The following PHC2 variants were observed in gnomAD, a reference collection of about 807,000 sequenced individuals.
PHC2 encodes polyhomeotic-like protein 2.
PHC2 carries 29 observed loss-of-function variants against 87.4 expected under a neutral mutation model. That is an observed-to-expected ratio of 0.33 (90% CI 0.25 to 0.45). The LOEUF is 0.45. Ranked by LOEUF, PHC2 falls within the 20% of genes least tolerant of loss-of-function variation. PHC2 has a pLI of 1.00. For synonymous variants in PHC2, 438 were observed against 461.7 expected, an observed-to-expected ratio of 0.95 and a Z score of 0.66; for missense variants, 857 against 1,136.7, an observed-to-expected ratio of 0.75 and a Z score of 3.54.
intron 1 of PHC2, among the ~76,000 whole-genome samples, chr1:33,392,193 A>C (rs116832256): frequency 0.015 from 2,277 of 151,206 alleles, 50 homozygotes; most frequent in African/African-American, 0.052. Flanking sequence ...ACACACATGC[A>C]CATGCACATA....
chr1:33,386,751 T>C (rs950520572), intron 1 of PHC2, among the ~76,000 whole-genome samples: 1 of 151,798 alleles, frequency 6.6e-6, no homozygotes, highest in Non-Finnish European at 1.5e-5. Flanking sequence ...AAAGTGCACA[T>C]AACACATACA....
intron 1 of PHC2, among the ~76,000 whole-genome samples, chr1:33,430,746 C>A (rs558635800): frequency 2.0e-5 from 3 of 151,012 alleles, no homozygotes; most frequent in African/African-American, 4.8e-5. Flanking sequence ...GGACTGCGGG[C>A]TCCCAGCGCG....
At chr1:33,425,385 T>C (rs768810790) in intron 1 of PHC2, among the ~76,000 whole-genome samples, 57 of 152,328 alleles carry the variant, frequency 3.7e-4, no homozygotes, top group South Asian at 6.2e-4. Flanking sequence ...AAGAATAAAG[T>C]GAAAGCCGAT....
intron 7 of PHC2, among the ~76,000 whole-genome samples, chr1:33,360,108 C>G (rs140252395): frequency 3.9e-5 from 6 of 152,356 alleles, no homozygotes; most frequent in Non-Finnish European, 8.8e-5. Flanking sequence ...TTCCATGATG[C>G]ATTCCCTTGG....
intron 1 of PHC2, among the ~76,000 whole-genome samples, chr1:33,427,976 C>G (rs1650749538): frequency 6.6e-6 from 1 of 152,220 alleles, no homozygotes; most frequent in South Asian, 2.1e-4. Flanking sequence ...GCAGTGAACT[C>G]AGCTAATCAT....
intron 9 of PHC2, chr1:33,345,532 A>G: frequency 1.0e-6 from 1 of 984,968 alleles, no homozygotes; most frequent in Non-Finnish European, 1.2e-6. Flanking sequence ...GAAGTTTTCT[A>G]TGCTGGTCTA....
At chr1:33,338,383 C>A (rs1478826191) in intron 9 of PHC2, among the ~76,000 whole-genome samples, 1 of 152,216 alleles carries the variant, frequency 6.6e-6, no homozygotes, top group Non-Finnish European at 1.5e-5. Flanking sequence ...CAGGGCAGAT[C>A]AAAGGAGAGA....
Position 33,349,831 on chromosome 1 carries a change from G to A in PHC2, c.1558+4570C>T. 1 of 976,990 alleles carries A rather than the reference G, an allele frequency of 1.0e-6. No individual in the cohort carries two copies. Among genetic ancestry groups the A allele is most frequent in the Non-Finnish European group, 1.2e-6 (1 of 825,160 alleles). The allele number at this position is 976,990 out of a possible 1,614,324, so 60.5% of individuals were successfully genotyped here. Reference sequence around the variant, plus strand: ...GCGCGAGGCCGGGGCGGGAGCGCGGGCGGCGGCCGGGGTTGCGCGCGCGCG... The same window carrying A: ...GCGCGAGGCCGGGGCGGGAGCGCGGACGGCGGCCGGGGTTGCGCGCGCGCG... On this transcript the variant is annotated intron_variant, in intron 9 of 14. Transcript: ENST00000683057. The surrounding 1 kb of genome is among the most constrained non-coding windows in gnomAD (Gnocchi z 4.2).
rs113810809 is a variant in PHC2 at position 33,424,171 on chromosome 1, C to T, written c.-55+6805G>A. Among the ~76,000 whole-genome samples, 237 of 151,052 alleles carry T rather than the reference C, an allele frequency of 1.6e-3. 4 individuals are homozygous for T. The highest frequency in any genetic ancestry group is 4.7e-3 in the African/African-American group (194 of 41,196). The stretch of plus-strand genomic sequence containing the variant: ...TGAATATTTGTTGAGTAAATTAATA[C>T]TATTATAGAGATTGATTCATTAATA... On this transcript the variant is annotated intron_variant, in intron 1 of 14. Transcript: ENST00000683057.
intron 1 of PHC2, among the ~76,000 whole-genome samples, chr1:33,407,840 T>C (rs1649824963): frequency 6.6e-6 from 1 of 152,204 alleles, no homozygotes; most frequent in Non-Finnish European, 1.5e-5. Context: ...GTACAATCAA[T>C]GTGTTTCATA....
At chr1:33,356,091 C>A (rs1318403851) in intron 7 of PHC2, among the ~76,000 whole-genome samples, 1 of 151,750 alleles carries the variant, frequency 6.6e-6, no homozygotes, top group Non-Finnish European at 1.5e-5. Context: ...TCTTATCTGT[C>A]TTCCAGATCA....
chr1:33,411,725 TA>T (rs1478520327), intron 1 of PHC2, among the ~76,000 whole-genome samples: 1 of 152,098 alleles, frequency 6.6e-6, no homozygotes, highest in Non-Finnish European at 1.5e-5. Flanking sequence ...CACGCCCAGC[TA>T]ATTTTTTGTA....
At chr1:33,427,604 A>G (rs1016663338) in intron 1 of PHC2, among the ~76,000 whole-genome samples, 4 of 152,100 alleles carry the variant, frequency 2.6e-5, no homozygotes, top group Admixed American at 6.6e-5. Context: ...TGAAGCTATC[A>G]TTTTCAAAAA....
At chr1:33,394,714 C>T (rs1200979440) in intron 1 of PHC2, among the ~76,000 whole-genome samples, 1 of 152,192 alleles carries the variant, frequency 6.6e-6, no homozygotes, top group African/African-American at 2.4e-5. Flanking sequence ...CACAGGCACA[C>T]ACCACTGCAC....
chr1:33,347,824 A>ACCTTCTGCGAAACAAG, intron 9 of PHC2: 1 of 757,022 alleles, frequency 1.3e-6, no homozygotes, highest in Non-Finnish European at 1.6e-6. Flanking sequence ...CATCTGCCCG[A>ACCTTCTGCGAAACAAG]CCTTCTGCGA....
At chr1:33,394,459 G>A (rs1020593976) in intron 1 of PHC2, among the ~76,000 whole-genome samples, 4 of 152,178 alleles carry the variant, frequency 2.6e-5, no homozygotes, top group Non-Finnish European at 5.9e-5. Flanking sequence ...CTGCAAATCA[G>A]AACCACAGCA....
At chr1:33,336,273 G>C (rs1413780818) in intron 9 of PHC2, among the ~76,000 whole-genome samples, 2 of 152,038 alleles carry the variant, frequency 1.3e-5, no homozygotes, top group Non-Finnish European at 2.9e-5. Flanking sequence ...ACAGGCATGA[G>C]CCACCGCGCC....
chr1:33,331,274 G>A lies in PHC2; in HGVS notation c.2006+74C>T, dbSNP rs979531363. ...GAAGCCACCCCTATGGACCTCCTGG[G>A]GTAGACTATTAATGGCAGGAGGTGG... is the stretch of plus-strand genomic sequence containing the variant. On this transcript the variant is annotated intron_variant, in intron 12 of 14. Coordinates refer to ENST00000683057, the MANE Select transcript of PHC2 (RefSeq NM_001385109.1). This position sits in a 1 kb window ranked among gnomAD's most constrained non-coding sequence, Gnocchi z 5.2. The A allele has an allele frequency of 7.5e-6, 6 of 799,798 alleles. No homozygotes were observed. Among genetic ancestry groups the A allele is most frequent in the African/African-American group, 5.2e-5 (3 of 58,234 alleles). The allele number at this position is 799,798 out of a possible 1,614,324, so 49.5% of individuals were successfully genotyped here. A position where few individuals can be genotyped will look rare whatever the true frequency, so the allele number is the denominator to read the frequency against.
chr1:33,367,650 A>T (rs1031608666), intron 6 of PHC2, among the ~76,000 whole-genome samples: 2 of 152,114 alleles, frequency 1.3e-5, no homozygotes, highest in African/African-American at 4.8e-5. Flanking sequence ...GCAGCAGAAG[A>T]GGCTGAGTTC....
Sources: allele counts gnomAD v4.1 joint callset (sites outside exome capture counted in the v4.1 genomes callset), GRCh38; gene constraint gnomAD v4.1.1; non-coding constraint Gnocchi (gnomAD v3.1); transcripts MANE v1.5; gene names NCBI Gene and HGNC (gene_info 2026-07-23, HGNC 2026-07-21).